The following ANKRD18A variants were observed in gnomAD, a reference collection of about 807,000 sequenced individuals.
ANKRD18A encodes the protein ankyrin repeat domain-containing protein 18A.
ANKRD18A carries 72 observed loss-of-function variants against 110.6 expected under a neutral mutation model. The ratio of observed to expected loss-of-function variants is 0.65; its 90% confidence interval spans 0.54 to 0.79. The LOEUF (loss-of-function observed/expected upper bound fraction) is 0.79, where lower values mean the gene tolerates loss of function less well. ANKRD18A is among the 30% of genes least tolerant of loss of function. ANKRD18A has a pLI of 0.00. For missense variants in ANKRD18A, 934 were observed against 1,163.3 expected (o/e 0.80, Z 2.87); for synonymous variants, 305 against 410.3 (o/e 0.74, Z 3.10).
intron 1 of ANKRD18A, among the ~76,000 whole-genome samples, chr9:38,616,955 G>A (rs529167382): frequency 5.3e-5 from 8 of 152,206 alleles, no homozygotes; most frequent in African/African-American, 1.7e-4. Context: ...TATTAATATA[G>A]AAAATAGTAG....
At chr9:38,580,097 G>T (rs1824090934) in intron 12 of ANKRD18A, among the ~76,000 whole-genome samples, 1 of 150,276 alleles carries the variant, frequency 6.7e-6, no homozygotes, top group Non-Finnish European at 1.5e-5. Context: ...TCTCACTCAT[G>T]TGTGGGAGCT....
intron 9 of ANKRD18A, among the ~76,000 whole-genome samples, chr9:38,594,413 C>T (rs1824786829): frequency 6.6e-6 from 1 of 152,110 alleles, no homozygotes; most frequent in Non-Finnish European, 1.5e-5. Flanking sequence ...CTAAAAGTAT[C>T]TTTGTACTGG....
chr9:38,575,603 G>T lies in ANKRD18A; in HGVS notation c.2837C>A (p.Pro946Gln). ...FLSTLPTRPEPELPCVENLNS... is the reference protein window; with the variant it reads ...FLSTLPTRPEQELPCVENLNS... ...AAGATTTTCAACACAAGGTAACTCTGGTTCTGGCCTTGTAGGAAGAGTGCT... is the reference window on the plus strand; with the variant it reads ...AAGATTTTCAACACAAGGTAACTCTTGTTCTGGCCTTGTAGGAAGAGTGCT... The change falls in exon 15 of 16, where the codon CCA becomes CAA. Residue 946 changes from proline (P) to glutamine (Q), a missense_variant. By Grantham distance (76) the Pro-to-Gln change is moderately conservative (BLOSUM62 -1). This residue lies in a region of ANKRD18A where 223 missense variants were observed against 226.7 expected (regional missense o/e 0.98). Coordinates refer to ENST00000399703, the MANE Select transcript of ANKRD18A (RefSeq NM_147195.4). The T allele has an allele frequency of 1.9e-6, 3 of 1,551,622 alleles. No individual in the cohort carries two copies. Among genetic ancestry groups the T allele is most frequent in the Non-Finnish European group, 2.6e-6 (3 of 1,146,830 alleles).
chr9:38,578,624 C>G (rs1310169349), intron 12 of ANKRD18A, among the ~76,000 whole-genome samples: 1 of 152,146 alleles, frequency 6.6e-6, no homozygotes, highest in East Asian at 1.9e-4. Flanking sequence ...TGCTTGTAAT[C>G]CCAGCACTTT....
intron 3 of ANKRD18A, among the ~76,000 whole-genome samples, chr9:38,612,813 G>A (rs537404060): frequency 5.3e-5 from 8 of 151,698 alleles, no homozygotes; most frequent in African/African-American, 9.7e-5. Context: ...CATTGCACCC[G>A]GCCGTCACTT....
rs1461024687 is a variant in ANKRD18A, at chr9:38,603,153, T to A, written c.862+6A>T. On this transcript the variant is annotated splice_donor_region_variant and intron_variant, in intron 7 of 15. Coordinates refer to ENST00000399703, the MANE Select transcript of ANKRD18A (RefSeq NM_147195.4). ...TGGTTAGGAGTAGAGAACTCAAGTG[T>A]CTTACCTTTTGCACGTTCTTTTCTT... The A allele has an allele frequency of 6.4e-7, 1 of 1,550,746 alleles. No homozygotes were observed. The highest frequency in any genetic ancestry group is 8.7e-7 in the Non-Finnish European group (1 of 1,146,518).
intron 10 of ANKRD18A, among the ~76,000 whole-genome samples, chr9:38,589,191 A>G (rs1207884888): frequency 3.9e-5 from 6 of 152,176 alleles, no homozygotes; most frequent in Non-Finnish European, 8.8e-5. Context: ...ATTTCTCTTT[A>G]AACAAAGTTT....
intron 6 of ANKRD18A, chr9:38,604,733 C>A (rs137871845): frequency 6.6e-6 from 1 of 151,922 alleles, no homozygotes; most frequent in Admixed American, 6.6e-5. Context: ...TTCACTGACA[C>A]GTACTAAGTA....
At chr9:38,588,779 G>T in intron 10 of ANKRD18A, 116 bp from the exon 11 acceptor site, 5 of 736,638 alleles carry the variant, frequency 6.8e-6, no homozygotes, top group Non-Finnish European at 9.3e-6. Context: ...TGTATAAAGT[G>T]CATTTTACAA....
At position 38,596,531 on chromosome 9, in the gene ANKRD18A, A is replaced by G. The variant is rs1034088229; in HGVS notation, c.937-128T>C. ...TTGCTGTAAGTGGATATCCAACTGG[A>G]GAAAAAGTTGAAGCAAAACCTTGAA... On this transcript the variant is annotated intron_variant, in intron 8 of 15. Transcript: ENST00000399703. The G allele has an allele frequency of 6.4e-5, 55 of 857,820 alleles. No homozygotes were observed. The East Asian group carries it at 1.4e-3, about 22-fold the overall frequency. The allele number at this position is 857,820 out of a possible 1,614,324, so 53.1% of individuals were successfully genotyped here. A position where few individuals can be genotyped will look rare whatever the true frequency, so the allele number is the denominator to read the frequency against.
intron 12 of ANKRD18A, among the ~76,000 whole-genome samples, chr9:38,579,850 C>T (rs143137429): frequency 3.9e-5 from 6 of 152,320 alleles, no homozygotes; most frequent in African/African-American, 1.4e-4. Context: ...GAAAAGAAAA[C>T]AATAGATCAC....
At position 38,585,133 on chromosome 9, in the gene ANKRD18A, T is replaced by C. The variant is rs551522143; in HGVS notation, c.2247+1050A>G. 2.0e-5 allele frequency among the ~76,000 whole-genome samples: 3 copies of C among 152,248 alleles called. No individual in the cohort carries two copies. In the South Asian group the frequency reaches 6.2e-4, roughly 32 times the overall value. ...CTCTCCCCTTCTAGGTCTTCCCAGA[T>C]CTAGGGAAGATTAACTAAGATCCTG... On this transcript the variant is annotated intron_variant, in intron 12 of 15. Coordinates refer to ENST00000399703, the MANE Select transcript of ANKRD18A (RefSeq NM_147195.4).
chr9:38,617,573 A>C (rs1825910829), intron 1 of ANKRD18A, among the ~76,000 whole-genome samples: 1 of 152,216 alleles, frequency 6.6e-6, no homozygotes, highest in Non-Finnish European at 1.5e-5. Flanking sequence ...CTTTCCAATG[A>C]TTAATATTAG....
At chr9:38,580,290 C>T (rs1255810644) in intron 12 of ANKRD18A, among the ~76,000 whole-genome samples, 1 of 152,194 alleles carries the variant, frequency 6.6e-6, no homozygotes, top group Non-Finnish European at 1.5e-5. Flanking sequence ...ATCCTAGCTG[C>T]TCAGCAGGGT....
At chr9:38,579,673 C>T (rs574908988) in intron 12 of ANKRD18A, among the ~76,000 whole-genome samples, 5 of 152,230 alleles carry the variant, frequency 3.3e-5, no homozygotes, top group Admixed American at 1.3e-4. Flanking sequence ...AGAAAACACA[C>T]AAAAAAGTGC....
At position 38,596,343 on chromosome 9, in the gene ANKRD18A, C is replaced by A; in HGVS notation, c.997G>T (p.Asp333Tyr). Residue 333 changes from aspartate to tyrosine, a missense_variant, in exon 9 of 16, where the codon GAC becomes TAC. Around this residue, in one of 4 missense-constraint regions of ANKRD18A, gnomAD observed 630 missense variants for 797.5 expected, o/e 0.79. Transcript: ENST00000399703. ...AMYGNFMLKK[D>Y]IAMLKEELYA... Reference sequence around the variant, plus strand: ...AATTCCTCTTTGAGCATGGCAATGTCTTTCTTCAACATAAAATTTCCATAC... The same window carrying A: ...AATTCCTCTTTGAGCATGGCAATGTATTTCTTCAACATAAAATTTCCATAC... 6.7e-7 allele frequency: 1 copy of A among 1,489,902 alleles called. No homozygotes were observed. Among genetic ancestry groups the A allele is most frequent in the Non-Finnish European group, 8.9e-7 (1 of 1,121,392 alleles). The allele number at this position is 1,489,902 out of a possible 1,614,324, so 92.3% of individuals were successfully genotyped here.
downstream of ANKRD18A, chr9:38,568,772 T>C (rs1376785348): frequency 2.0e-6 from 2 of 985,258 alleles, no homozygotes; most frequent in Admixed American, 6.1e-5. Flanking sequence ...CTGAGTCCCC[T>C]GGGTGGTAAT....
At chr9:38,592,479 G>T (rs1409810134) in intron 10 of ANKRD18A, among the ~76,000 whole-genome samples, 1 of 152,198 alleles carries the variant, frequency 6.6e-6, no homozygotes, top group Admixed American at 6.5e-5. Flanking sequence ...TGCCTGCCAG[G>T]TCTGAATGAA....
At chr9:38,617,675 G>A (rs1825914334) in intron 1 of ANKRD18A, among the ~76,000 whole-genome samples, 2 of 152,078 alleles carry the variant, frequency 1.3e-5, no homozygotes, top group Admixed American at 6.5e-5. Flanking sequence ...AAAGGTGGGA[G>A]GAAAAGCTTC....
Sources: gnomAD v4.1 joint callset for allele counts (sites outside exome capture counted in the v4.1 genomes callset) on GRCh38, gnomAD v4.1.1 for gene constraint, gnomAD v4.1.1 regional missense constraint, MANE v1.5 for transcripts, NCBI Gene and HGNC (gene_info 2026-07-23, HGNC 2026-07-21) for gene names.